Variants in DSCAM observed in about 807,000 individuals in gnomAD.
DSCAM encodes DS cell adhesion molecule.
In DSCAM, 47 loss-of-function variants were observed where a neutral mutation model predicts 217.7. The ratio of observed to expected loss-of-function variants is 0.22; its 90% CI spans 0.17 to 0.28. DSCAM has a LOEUF of 0.28. DSCAM is among the 10% of genes least tolerant of loss of function. The probability of loss-of-function intolerance (pLI) is 1.00; values close to 1 mark genes in which losing one functional copy is unlikely to be tolerated. For synonymous variants in DSCAM, 1,056 were observed against 1,015.3 expected (o/e 1.04, Z -0.76); for missense variants, 2,080 against 2,618.3 (o/e 0.79, Z 4.49).
At chr21:40,018,946 A>C (rs1277125138) in intron 32 of DSCAM, among the ~76,000 whole-genome samples, 2 of 152,210 alleles carry the variant, frequency 1.3e-5, no homozygotes, top group Non-Finnish European at 2.9e-5. Flanking sequence ...AGCTCCCTTC[A>C]ACAATGTGTA....
At chr21:40,608,591 G>A (rs865930557) in intron 3 of DSCAM, among the ~76,000 whole-genome samples, 3 of 152,122 alleles carry the variant, frequency 2.0e-5, no homozygotes, top group Non-Finnish European at 2.9e-5. Flanking sequence ...GCTTGTATGC[G>A]TTGTATTCTT....
At chr21:40,160,424 T>A (rs2090527729) in intron 16 of DSCAM, among the ~76,000 whole-genome samples, 1 of 152,278 alleles carries the variant, frequency 6.6e-6, no homozygotes, top group Non-Finnish European at 1.5e-5. Flanking sequence ...TAGTGTCAAC[T>A]TATATTTTTA....
At chr21:40,617,233 C>G (rs1183661138) in intron 3 of DSCAM, among the ~76,000 whole-genome samples, 2 of 149,042 alleles carry the variant, frequency 1.3e-5, no homozygotes, top group Non-Finnish European at 3.0e-5. Flanking sequence ...ACGCCATTCT[C>G]CTGCCTCAGC....
Position 40,665,321 on chromosome 21 carries a change from G to A in DSCAM, c.508+27489C>T, listed in dbSNP as rs558773955. Among the ~76,000 whole-genome samples the A allele has an allele frequency of 3.1e-4, 47 of 152,148 alleles. 1 individual carries two copies. In the South Asian group the frequency reaches 9.3e-3, roughly 30 times the overall value. On this transcript the variant is annotated intron_variant, in intron 3 of 32. Coordinates refer to ENST00000400454, the MANE Select transcript of DSCAM (RefSeq NM_001389.5). ...CAGCCAGGCCCTGTCAATACCTGTG[G>A]ACAGAATCCTCTGCTGGGAGACAGT...
intron 18 of DSCAM, among the ~76,000 whole-genome samples, chr21:40,140,736 G>A (rs2090279727): frequency 6.6e-6 from 1 of 152,182 alleles, no homozygotes; most frequent in Admixed American, 6.5e-5. Flanking sequence ...GGGTGAAGGT[G>A]TTACAGAATC....
At chr21:40,167,175 C>T in intron 16 of DSCAM, 43 bp downstream of exon 16, 1 of 1,592,678 alleles carries the variant, frequency 6.3e-7, no homozygotes, top group South Asian at 1.1e-5. Flanking sequence ...AGGGCTCGCC[C>T]TGGGGGGAAA....
chr21:40,723,664 T>C (rs1569002894), intron 1 of DSCAM, among the ~76,000 whole-genome samples: 1 of 152,222 alleles, frequency 6.6e-6, no homozygotes, highest in Non-Finnish European at 1.5e-5. Flanking sequence ...ATGGTTTTCA[T>C]ACTACATATA....
intron 23 of DSCAM, among the ~76,000 whole-genome samples, chr21:40,085,229 C>CCA (rs1324465315): frequency 3.8e-4 from 58 of 152,128 alleles, no homozygotes; most frequent in Non-Finnish European, 5.3e-4. Flanking sequence ...ACAAAAAAGA[C>CCA]CACAATTCAG....
intron 21 of DSCAM, among the ~76,000 whole-genome samples, chr21:40,089,539 C>G (rs565127085): frequency 6.6e-6 from 1 of 152,328 alleles, no homozygotes; most frequent in South Asian, 2.1e-4. Context: ...CTGCCACTCC[C>G]TCCATAAAAG....
At chr21:40,337,006 C>G (rs537969432) in intron 8 of DSCAM, among the ~76,000 whole-genome samples, 13 of 152,144 alleles carry the variant, frequency 8.5e-5, no homozygotes, top group Non-Finnish European at 1.5e-4. Flanking sequence ...TAATTATGTG[C>G]AGGCATATCT....
At chr21:40,487,323 G>C (rs2076038171) in intron 3 of DSCAM, among the ~76,000 whole-genome samples, 1 of 62,538 alleles carries the variant, frequency 1.6e-5, no homozygotes, top group Non-Finnish European at 3.0e-5. Context: ...GTGTGTGTGT[G>C]TGTGAGAGAG....
chr21:40,540,034 C>T (rs994623959), intron 3 of DSCAM, among the ~76,000 whole-genome samples: 1 of 152,096 alleles, frequency 6.6e-6, no homozygotes, highest in Non-Finnish European at 1.5e-5. Flanking sequence ...TATTGAGTTG[C>T]ATTATGCATT....
chr21:40,052,682 G>A (rs748769042), intron 29 of DSCAM, among the ~76,000 whole-genome samples: 4 of 152,198 alleles, frequency 2.6e-5, no homozygotes, highest in African/African-American at 4.8e-5. Context: ...AGGACTCAAG[G>A]TATGTTCCTT....
At chr21:40,251,394 A>ATT (rs200151794) in intron 11 of DSCAM, among the ~76,000 whole-genome samples, 1 of 151,766 alleles carries the variant, frequency 6.6e-6, no homozygotes, top group African/African-American at 2.4e-5. Flanking sequence ...CACTATATTA[A>ATT]TTTTTTTTTG....
At chr21:40,454,340 A>T (rs528991525) in intron 3 of DSCAM, among the ~76,000 whole-genome samples, 1 of 152,342 alleles carries the variant, frequency 6.6e-6, no homozygotes, top group East Asian at 1.9e-4. Context: ...CTGTGAAATG[A>T]AGATTACAAT....
chr21:40,516,549 C>T (rs2076300948), intron 3 of DSCAM, among the ~76,000 whole-genome samples: 1 of 152,122 alleles, frequency 6.6e-6, no homozygotes, highest in South Asian at 2.1e-4. Context: ...TTTGGCCAGG[C>T]ACGGCAACAC....
chr21:40,160,024 G>A (rs752257244), intron 16 of DSCAM, among the ~76,000 whole-genome samples: 5 of 152,234 alleles, frequency 3.3e-5, no homozygotes, highest in Non-Finnish European at 5.9e-5. Flanking sequence ...GGCGGAATCA[G>A]CATCTAGGAT....
intron 5 of DSCAM, among the ~76,000 whole-genome samples, chr21:40,349,907 TC>T (rs2074610412): frequency 6.6e-6 from 1 of 151,824 alleles, no homozygotes; most frequent in Non-Finnish European, 1.5e-5. Flanking sequence ...GAAACAAAGA[TC>T]TGAATGACCT....
intron 11 of DSCAM, among the ~76,000 whole-genome samples, chr21:40,244,453 GAAAAAA>G (rs76692462): frequency 1.0e-5 from 1 of 99,872 alleles, no homozygotes. Context: ...TCCGTCTCCG[GAAAAAA>G]AAAAAAAAAA....
Sources: allele counts gnomAD v4.1 joint callset (sites outside exome capture counted in the v4.1 genomes callset), GRCh38; gene constraint gnomAD v4.1.1; transcripts MANE v1.5; gene names NCBI Gene and HGNC (gene_info 2026-07-23, HGNC 2026-07-21).